LRRC37A2: variants seen among roughly 807,000 people sequenced by gnomAD.
The protein encoded by LRRC37A2 is leucine rich repeat containing 37 member A2, also known as leucine-rich repeat-containing protein 37A2.
LRRC37A2 carries 9 observed loss-of-function variants against 68.8 expected under a neutral mutation model. The observed-to-expected ratio is 0.13, with a 90% CI of 0.08 to 0.23. The LOEUF (loss-of-function observed/expected upper bound fraction) is 0.23, where lower values mean the gene tolerates loss of function less well. Among genes scored for constraint, LRRC37A2 ranks in the 10% least tolerant of loss-of-function variants. The pLI, the probability that LRRC37A2 is intolerant of heterozygous loss-of-function variation, is 1.00. For missense variants in LRRC37A2, 168 were observed against 950.4 expected, an observed-to-expected ratio of 0.18 and a Z score of 10.82; for synonymous variants, 63 against 367.6, an observed-to-expected ratio of 0.17 and a Z score of 9.48.
the LRRC37A2 span, among the ~76,000 whole-genome samples, chr17:46,772,780 A>G: frequency 1.1e-4 from 10 of 87,534 alleles, no homozygotes; most frequent in African/African-American, 4.4e-4. Flanking sequence ...AACCCCACCC[A>G]GCACCCCACC....
chr17:46,788,592 C>G, the LRRC37A2 span, among the ~76,000 whole-genome samples: 1 of 152,358 alleles, frequency 6.6e-6, no homozygotes, highest in East Asian at 1.9e-4. Context: ...ATTTCCCCAG[C>G]TCTTATACAT....
At chr17:46,804,471 CTATGGGGAAGGGA>C in the LRRC37A2 span, among the ~76,000 whole-genome samples, 77 of 152,200 alleles carry the variant, frequency 5.1e-4, no homozygotes, top group Non-Finnish European at 9.7e-4. Flanking sequence ...ACTCCCTGCC[CTATGGGGAAGGGA>C]AGTGCTGTAA....
chr17:47,031,475 TA>T, the LRRC37A2 span, among the ~76,000 whole-genome samples: 1 of 145,008 alleles, frequency 6.9e-6, no homozygotes, highest in East Asian at 2.1e-4. Flanking sequence ...TCCCTGACTT[TA>T]AAGTGCTTCT....
At chr17:46,899,364 C>T in the LRRC37A2 span, among the ~76,000 whole-genome samples, 2 of 152,114 alleles carry the variant, frequency 1.3e-5, no homozygotes, top group Non-Finnish European at 2.9e-5. Context: ...AATATGATGC[C>T]ACTGCACTCC....
the LRRC37A2 span, among the ~76,000 whole-genome samples, chr17:46,809,025 G>A: frequency 1.3e-5 from 2 of 152,156 alleles, no homozygotes. Flanking sequence ...GCCCCAGGTT[G>A]GGCTGCCTTT....
chr17:46,919,279 G>T, the LRRC37A2 span, among the ~76,000 whole-genome samples: 1 of 152,152 alleles, frequency 6.6e-6, no homozygotes, highest in Non-Finnish European at 1.5e-5. Flanking sequence ...AGGCTGGAGG[G>T]TAAGTCATGC....
the LRRC37A2 span, among the ~76,000 whole-genome samples, chr17:46,884,010 C>T: frequency 5.3e-5 from 8 of 152,212 alleles, no homozygotes; most frequent in East Asian, 1.9e-4. Context: ...ACCGTCCTCC[C>T]GCCATGGAGA....
the LRRC37A2 span, among the ~76,000 whole-genome samples, chr17:47,042,967 A>C: frequency 6.7e-6 from 1 of 149,854 alleles, no homozygotes; most frequent in Admixed American, 6.7e-5. Flanking sequence ...CAAGTTATAT[A>C]ACCTCTCTGT....
the LRRC37A2 span, among the ~76,000 whole-genome samples, chr17:46,792,174 C>T: frequency 1.5e-3 from 227 of 152,310 alleles, 1 homozygote; most frequent in Middle Eastern, 0.01. Flanking sequence ...GCACATTAGC[C>T]CCAGTTAAGG....
the LRRC37A2 span, among the ~76,000 whole-genome samples, chr17:46,811,669 C>G: frequency 6.6e-6 from 1 of 152,064 alleles, no homozygotes; most frequent in South Asian, 2.1e-4. Context: ...ATTCTAGAAA[C>G]TCTGGCTGGG....
chr17:47,014,862 G>T, the LRRC37A2 span, among the ~76,000 whole-genome samples: 4 of 151,990 alleles, frequency 2.6e-5, no homozygotes, highest in African/African-American at 9.7e-5. Context: ...ATCTTGGGTG[G>T]AATATTTTGC....
chr17:46,822,674 A>G, the LRRC37A2 span, among the ~76,000 whole-genome samples: 11 of 152,276 alleles, frequency 7.2e-5, no homozygotes, highest in South Asian at 2.3e-3. Context: ...GAATGCCCTT[A>G]ATCTACCTCG....
chr17:46,784,966 A>G, the LRRC37A2 span, among the ~76,000 whole-genome samples: 1 of 151,416 alleles, frequency 6.6e-6, no homozygotes, highest in Non-Finnish European at 1.5e-5. Flanking sequence ...TTTAGTAGAG[A>G]CGGGGTTTCA....
the LRRC37A2 span, among the ~76,000 whole-genome samples, chr17:46,816,717 C>T: frequency 6.6e-6 from 1 of 152,208 alleles, no homozygotes; most frequent in Admixed American, 6.5e-5. Flanking sequence ...AGAGTGCCCT[C>T]TTCTAGTTCA....
the LRRC37A2 span, among the ~76,000 whole-genome samples, chr17:46,897,964 G>C: frequency 6.6e-6 from 1 of 152,180 alleles, no homozygotes; most frequent in Non-Finnish European, 1.5e-5. Context: ...CTCAAGGAGG[G>C]AGGGGGTACA....
At chr17:46,728,034 C>T in the LRRC37A2 span, among the ~76,000 whole-genome samples, 1 of 151,900 alleles carries the variant, frequency 6.6e-6, no homozygotes, top group South Asian at 2.1e-4. Context: ...CCACTGTTCT[C>T]ATCAGGTGGA....
At chr17:47,024,327 T>C in the LRRC37A2 span, among the ~76,000 whole-genome samples, 1 of 152,218 alleles carries the variant, frequency 6.6e-6, no homozygotes, top group Non-Finnish European at 1.5e-5. Context: ...GGGGCTTTCA[T>C]AATAAGGTTT....
chr17:46,678,567 G>A, the LRRC37A2 span, among the ~76,000 whole-genome samples: 3 of 145,648 alleles, frequency 2.1e-5, no homozygotes, highest in Non-Finnish European at 1.5e-5. Flanking sequence ...AAGAGAAAGA[G>A]GATGAATCAA....
the LRRC37A2 span, among the ~76,000 whole-genome samples, chr17:47,021,136 A>G: frequency 2.6e-5 from 4 of 152,236 alleles, no homozygotes; most frequent in African/African-American, 9.6e-5. Flanking sequence ...GGAGTTTGAA[A>G]GTTACACAAT....
Sources: gnomAD v4.1 joint callset for allele counts (sites outside exome capture counted in the v4.1 genomes callset) on GRCh38, gnomAD v4.1.1 for gene constraint, MANE v1.5 for transcripts, NCBI Gene and HGNC (gene_info 2026-07-23, HGNC 2026-07-21) for gene names.